The following ATP8B1 variants were observed in gnomAD, a reference collection of about 807,000 sequenced individuals.
ATP8B1 encodes the protein phospholipid-transporting ATPase IC.
Under a neutral mutation model 149.9 loss-of-function variants are expected in ATP8B1, and 80 were observed. That is an observed-to-expected ratio of 0.53 (90% confidence interval 0.45 to 0.64). The LOEUF is 0.64. Among genes scored for constraint, ATP8B1 ranks in the 30% least tolerant of loss-of-function variants. The probability of loss-of-function intolerance (pLI) is 0.00; values close to 1 mark genes in which losing one functional copy is unlikely to be tolerated. For synonymous variants in ATP8B1, 536 were observed against 562.8 expected, an observed-to-expected ratio of 0.95 and a Z score of 0.67; for missense variants, 1,247 against 1,552.6, an observed-to-expected ratio of 0.80 and a Z score of 3.31.
intron 1 of ATP8B1, among the ~76,000 whole-genome samples, chr18:57,770,927 G>A (rs1338440039): frequency 1.3e-5 from 2 of 152,168 alleles, no homozygotes; most frequent in Admixed American, 1.3e-4. Context: ...GCAGTGGCAC[G>A]ATCTCGGCTC....
intron 27 of ATP8B1, 29 bp downstream of exon 27, chr18:57,650,338 G>C (rs79583675): frequency 6.2e-7 from 1 of 1,608,996 alleles, no homozygotes; most frequent in Non-Finnish European, 8.5e-7. Flanking sequence ...GTGAGGGACA[G>C]AGTTGGGAAA....
intron 1 of ATP8B1, among the ~76,000 whole-genome samples, chr18:57,778,848 A>G (rs1377285276): frequency 6.6e-6 from 1 of 152,172 alleles, no homozygotes; most frequent in Non-Finnish European, 1.5e-5. Flanking sequence ...ACATCCCATC[A>G]CTGTGGCCAT....
chr18:57,754,976 A>G (rs1265983510), intron 1 of ATP8B1, among the ~76,000 whole-genome samples: 1 of 152,200 alleles, frequency 6.6e-6, no homozygotes, highest in African/African-American at 2.4e-5. Context: ...TAGAGTTGGT[A>G]TCTTTGCATA....
intron 12 of ATP8B1, among the ~76,000 whole-genome samples, chr18:57,691,352 A>G (rs1912518207): frequency 6.6e-6 from 1 of 152,186 alleles, no homozygotes; most frequent in African/African-American, 2.4e-5. Context: ...ACTAGGAGGT[A>G]GTGGCCGGAA....
At chr18:57,705,701 G>A (rs879268659) in intron 3 of ATP8B1, among the ~76,000 whole-genome samples, 5 of 152,120 alleles carry the variant, frequency 3.3e-5, no homozygotes, top group Non-Finnish European at 5.9e-5. Context: ...GCTCCAGAAG[G>A]AGCCAACCCT....
chr18:57,801,446 C>G (rs2080573373), intron 1 of ATP8B1, among the ~76,000 whole-genome samples: 1 of 152,342 alleles, frequency 6.6e-6, no homozygotes, highest in South Asian at 2.1e-4. Context: ...TGTGCACAGT[C>G]TGCGCATTTA....
intron 8 of ATP8B1, among the ~76,000 whole-genome samples, chr18:57,696,814 G>C (rs1912840906): frequency 6.6e-6 from 1 of 152,210 alleles, no homozygotes; most frequent in Admixed American, 6.5e-5. Context: ...TGGTCGTTTA[G>C]AGGATTAAAT....
intron 2 of ATP8B1, among the ~76,000 whole-genome samples, chr18:57,713,780 G>A (rs1188055976): frequency 2.0e-5 from 3 of 151,856 alleles, no homozygotes; most frequent in East Asian, 1.9e-4. Flanking sequence ...GTGAGCCACC[G>A]CGCCCGGCCT....
At chr18:57,752,694 T>G (rs1468678405) in intron 1 of ATP8B1, among the ~76,000 whole-genome samples, 1 of 152,158 alleles carries the variant, frequency 6.6e-6, no homozygotes, top group Non-Finnish European at 1.5e-5. Flanking sequence ...AAAAACAGAG[T>G]AGGAAAACAA....
chr18:57,691,898 C>T lies in ATP8B1; in HGVS notation c.1129G>A (p.Glu377Lys), dbSNP rs1237445817. The stretch of plus-strand genomic sequence containing the variant: ...CCACGGTAGGAGGGTGTATCGTCTT[C>T]TCCATCATAGAGGTACCAAGAGGAA... ...GNSSWYLYDG[E>K]DDTPSYRGFL... Residue 377 changes from glutamate (E) to lysine (K), a missense_variant, in exon 12 of 28, where the codon GAA becomes AAA. Physicochemically the swap from Glu to Lys is moderately conservative, Grantham distance 56. This residue lies in a region of ATP8B1 where 853 missense variants were observed against 1,035.7 expected (regional missense o/e 0.82). Transcript: ENST00000648908. The T allele has an allele frequency of 3.7e-6, 6 of 1,614,034 alleles. No individual in the cohort carries two copies. In the African/African-American group the frequency reaches 8.0e-5, roughly 22 times the overall value.
intron 1 of ATP8B1, among the ~76,000 whole-genome samples, chr18:57,765,497 G>A (rs905291399): frequency 7.2e-5 from 11 of 151,978 alleles, no homozygotes; most frequent in Admixed American, 3.3e-4. Context: ...GTGAAACCGC[G>A]TCTCTACTAA....
In ATP8B1 at chr18:57,648,663, C is replaced by G. The variant is rs1287415755; in HGVS notation, c.3581G>C (p.Arg1194Pro). 2.5e-6 allele frequency: 4 copies of G among 1,576,120 alleles called. No homozygotes were observed. The highest frequency in any genetic ancestry group is 1.4e-5 in the African/African-American group (1 of 73,946). ...RLKAEEQWQR[R>P]QQVFRRGVST... ...CACGCCCCGGCGGAACACCTGCTGC[C>G]GTCGCTGCCACTGCTCCTCCGCCTT... Residue 1194 changes from arginine to proline, a missense_variant, in exon 28 of 28, where the codon CGG becomes CCG. By Grantham distance (103) the Arg-to-Pro change is moderately radical. Transcript: ENST00000648908.
intron 16 of ATP8B1, among the ~76,000 whole-genome samples, chr18:57,674,386 C>CTTT (rs36078409): frequency 0.58 from 74,459 of 127,424 alleles, 22,680 homozygotes; most frequent in Admixed American, 0.69. Flanking sequence ...ATACCAGTTT[C>CTTT]TTTTTTTTTT....
chr18:57,791,102 C>G (rs2080459560), intron 1 of ATP8B1, among the ~76,000 whole-genome samples: 1 of 152,318 alleles, frequency 6.6e-6, no homozygotes, highest in African/African-American at 2.4e-5. Context: ...AATTTTTCAT[C>G]TTCCCAAACT....
At chr18:57,648,821 C>A in intron 27 of ATP8B1, 109 bp from the exon 28 acceptor site, 1 of 1,053,516 alleles carries the variant, frequency 9.5e-7, no homozygotes, top group Non-Finnish European at 1.4e-6. Flanking sequence ...TGACACCTGC[C>A]CCATTTTGAT....
intron 1 of ATP8B1, among the ~76,000 whole-genome samples, chr18:57,774,243 C>A (rs911589946): frequency 3.3e-5 from 5 of 152,212 alleles, no homozygotes; most frequent in Middle Eastern, 3.2e-3. Flanking sequence ...TAAACCCCAG[C>A]CTTGCCAGTC....
At position 57,672,913 on chromosome 18, in the gene ATP8B1, T is replaced by TACAC. The variant is rs1413829241; in HGVS notation, c.1820-1334_1820-1333insGTGT. On this transcript the variant is annotated intron_variant, in intron 16 of 27. Coordinates refer to ENST00000648908, the MANE Select transcript of ATP8B1 (RefSeq NM_001374385.1). ...ATATATATATATATATATATATATA[T>TACAC]ATATATATATATATATATAACATGT... Among the ~76,000 whole-genome samples the TACAC allele has an allele frequency of 9.0e-4, 66 of 73,480 alleles. 1 individual carries two copies. Among genetic ancestry groups the TACAC allele is most frequent in the Non-Finnish European group, 1.5e-3 (57 of 38,038 alleles). The allele number at this position is 73,480 out of a possible 152,430, so 48.2% of individuals were successfully genotyped here. A position where few individuals can be genotyped will look rare whatever the true frequency, so the allele number is the denominator to read the frequency against.
chr18:57,651,077 T>C (rs1372023011), intron 26 of ATP8B1, among the ~76,000 whole-genome samples: 2 of 152,148 alleles, frequency 1.3e-5, no homozygotes, highest in African/African-American at 4.8e-5. Flanking sequence ...TGACATTGCA[T>C]TGATTAAAAA....
At chr18:57,729,293 T>C (rs9950534) in intron 2 of ATP8B1, among the ~76,000 whole-genome samples, 31,312 of 152,064 alleles carry the variant, frequency 0.21, 3,425 homozygotes, top group South Asian at 0.32. Context: ...ATGGAGCCAA[T>C]TCTCCTGCCA....
Sources: allele counts gnomAD v4.1 joint callset (sites outside exome capture counted in the v4.1 genomes callset), GRCh38; gene constraint gnomAD v4.1.1; regional missense constraint gnomAD v4.1.1; transcripts MANE v1.5; gene names NCBI Gene and HGNC (gene_info 2026-07-23, HGNC 2026-07-21).